The following TMTC2 variants were observed in gnomAD, a reference collection of about 807,000 sequenced individuals.
TMTC2 encodes protein O-mannosyl-transferase TMTC2.
A neutral mutation model predicts 82.4 loss-of-function variants in TMTC2; 43 were observed. That is an observed-to-expected ratio of 0.52 (90% CI 0.41 to 0.67). TMTC2 has a LOEUF of 0.67. TMTC2 is among the 30% of genes least tolerant of loss of function. TMTC2 has a pLI of 0.00. For missense variants in TMTC2, 919 were observed against 1,012.4 expected (o/e 0.91, Z 1.25); for synonymous variants, 408 against 381.9 (o/e 1.07, Z -0.80).
chr12:83,077,901 T>TTC (rs1555210994), intron 11 of TMTC2, among the ~76,000 whole-genome samples: 227 of 141,194 alleles, frequency 1.6e-3, no homozygotes, highest in Admixed American at 4.6e-3. Context: ...TTTTTTTTTT[T>TTC]TTTTAACAGG....
intron 4 of TMTC2, among the ~76,000 whole-genome samples, chr12:82,949,919 T>C (rs896954595): frequency 6.6e-6 from 1 of 152,146 alleles, no homozygotes; most frequent in Admixed American, 6.5e-5. Flanking sequence ...AAAATAGAGG[T>C]TGACTGTCAT....
chr12:83,124,189 A>G (rs943988557), intron 11 of TMTC2, among the ~76,000 whole-genome samples: 1 of 152,310 alleles, frequency 6.6e-6, no homozygotes, highest in East Asian at 1.9e-4. Flanking sequence ...GACTAAAAAT[A>G]TATATTGCTT....
At chr12:82,896,732 TAAG>T in intron 3 of TMTC2, 86 bp downstream of exon 3, 1 of 1,113,738 alleles carries the variant, frequency 9.0e-7, no homozygotes, top group South Asian at 1.7e-5. Context: ...AACACAGTAT[TAAG>T]GAGGAAGAGG....
In TMTC2 at chr12:83,132,306, C is replaced by T. The variant is rs1357701567; in HGVS notation, c.2428C>T (p.Pro810Ser). The T allele has an allele frequency of 1.2e-6, 2 of 1,614,042 alleles. No individual in the cohort carries two copies. The highest frequency in any genetic ancestry group is 8.5e-7 in the Non-Finnish European group (1 of 1,179,972). ...ANYLRALQLK[P>S]DDVITQSNLR... ...CTACCTGCGGGCCCTGCAGCTCAAGCCAGACGATGTCATCACACAGTCCAA... is the reference window on the plus strand; with the variant it reads ...CTACCTGCGGGCCCTGCAGCTCAAGTCAGACGATGTCATCACACAGTCCAA... The change falls in exon 12 of 12, where the codon CCA becomes TCA. Residue 810 changes from proline to serine, a missense_variant. Physicochemically the swap from Pro to Ser is moderately conservative, Grantham distance 74. Transcript: ENST00000321196.
intron 3 of TMTC2, among the ~76,000 whole-genome samples, chr12:82,897,595 G>A (rs183590438): frequency 2.6e-5 from 4 of 152,100 alleles, no homozygotes; most frequent in East Asian, 1.9e-4. Flanking sequence ...GCATGATCTC[G>A]ACTTACTGCA....
chr12:83,121,885 G>A (rs546960937), intron 11 of TMTC2, among the ~76,000 whole-genome samples: 1 of 152,228 alleles, frequency 6.6e-6, no homozygotes, highest in African/African-American at 2.4e-5. Context: ...GTTCTTAGGA[G>A]GATTATGATT....
chr12:82,801,970 C>T (rs1173081295), intron 1 of TMTC2, among the ~76,000 whole-genome samples: 1 of 152,170 alleles, frequency 6.6e-6, no homozygotes, highest in African/African-American at 2.4e-5. Context: ...GCCCAGCTGG[C>T]TTCACCCAGT....
At chr12:82,699,554 C>T (rs781484775) in intron 1 of TMTC2, among the ~76,000 whole-genome samples, 2 of 151,996 alleles carry the variant, frequency 1.3e-5, no homozygotes, top group Non-Finnish European at 2.9e-5. Flanking sequence ...GGCAGTGTGG[C>T]GATTAGGAAA....
intron 1 of TMTC2, among the ~76,000 whole-genome samples, chr12:82,790,299 G>C (rs1483886105): frequency 6.6e-6 from 1 of 152,052 alleles, no homozygotes; most frequent in Non-Finnish European, 1.5e-5. Flanking sequence ...TTGTGAGGGG[G>C]TGGATTGGGC....
chr12:82,961,400 T>C (rs1877925001), intron 4 of TMTC2, among the ~76,000 whole-genome samples: 1 of 151,982 alleles, frequency 6.6e-6, no homozygotes, highest in Non-Finnish European at 1.5e-5. Flanking sequence ...CTTTTCAGTG[T>C]ATCAACACAA....
intron 1 of TMTC2, among the ~76,000 whole-genome samples, chr12:82,798,490 C>G (rs1268473322): frequency 3.5e-5 from 1 of 28,372 alleles, no homozygotes; most frequent in Non-Finnish European, 6.3e-5. Flanking sequence ...GAGGGAGACT[C>G]GTCTCAAAAA....
chr12:82,847,779 A>G (rs1565776740), intron 1 of TMTC2, among the ~76,000 whole-genome samples: 1 of 150,446 alleles, frequency 6.6e-6, no homozygotes, highest in Non-Finnish European at 1.5e-5. Flanking sequence ...GGAACATTAC[A>G]CACGGGGGCC....
At chr12:82,825,697 T>C (rs2137069566) in intron 1 of TMTC2, among the ~76,000 whole-genome samples, 1 of 152,328 alleles carries the variant, frequency 6.6e-6, no homozygotes, top group East Asian at 1.9e-4. Context: ...TAAACATAAT[T>C]ATTGAAATAA....
In TMTC2 at chr12:82,737,420, A is replaced by G. The variant is rs913989765; in HGVS notation, c.83+49751A>G. ...TGTTTAGAAATGAATTTGAACCTATATTCAAAGCATCTGTCTTGTGAGACT... is the reference window on the plus strand; with the variant it reads ...TGTTTAGAAATGAATTTGAACCTATGTTCAAAGCATCTGTCTTGTGAGACT... On this transcript the variant is annotated intron_variant, in intron 1 of 11. Coordinates refer to ENST00000321196, the MANE Select transcript of TMTC2 (RefSeq NM_152588.3). Among the ~76,000 whole-genome samples the G allele has an allele frequency of 5.9e-5, 9 of 152,284 alleles. No homozygotes were observed. The East Asian group carries it at 1.3e-3, about 23-fold the overall frequency.
intron 1 of TMTC2, among the ~76,000 whole-genome samples, chr12:82,743,930 A>T (rs912249497): frequency 1.3e-5 from 2 of 151,888 alleles, no homozygotes; most frequent in Admixed American, 1.3e-4. Flanking sequence ...TAATTTTTGT[A>T]TGATGGTTGG....
At chr12:83,086,690 A>G (rs1883672177) in intron 11 of TMTC2, among the ~76,000 whole-genome samples, 1 of 152,160 alleles carries the variant, frequency 6.6e-6, no homozygotes, top group Admixed American at 6.5e-5. Flanking sequence ...TATGGTATAA[A>G]CATAAAACAT....
intron 2 of TMTC2, among the ~76,000 whole-genome samples, chr12:82,885,479 C>T (rs1296191977): frequency 6.6e-6 from 1 of 151,882 alleles, no homozygotes; most frequent in Non-Finnish European, 1.5e-5. Flanking sequence ...AAGCAATCCT[C>T]CTACCTCAGC....
intron 9 of TMTC2, among the ~76,000 whole-genome samples, chr12:83,048,616 A>G (rs1882227939): frequency 6.6e-6 from 1 of 152,210 alleles, no homozygotes; most frequent in Admixed American, 6.5e-5. Context: ...TTTACTCAGC[A>G]TTGTTTACTA....
At chr12:82,807,265 G>C (rs1243718039) in intron 1 of TMTC2, among the ~76,000 whole-genome samples, 3 of 152,082 alleles carry the variant, frequency 2.0e-5, no homozygotes, top group Non-Finnish European at 4.4e-5. Flanking sequence ...GCATTTAATT[G>C]TTAGTTTCCA....
Sources: gnomAD v4.1 joint callset for allele counts (sites outside exome capture counted in the v4.1 genomes callset) on GRCh38, gnomAD v4.1.1 for gene constraint, MANE v1.5 for transcripts, NCBI Gene and HGNC (gene_info 2026-07-23, HGNC 2026-07-21) for gene names.